Variants in ING5 observed in about 807,000 individuals in gnomAD.
ING5 encodes inhibitor of growth protein 5.
Under a neutral mutation model 37.4 loss-of-function variants are expected in ING5, and 17 were observed. That is an observed-to-expected ratio of 0.45 (90% CI 0.31 to 0.68). ING5 has a LOEUF of 0.68. ING5 is among the 30% of genes least tolerant of loss of function. The pLI, the probability that ING5 is intolerant of heterozygous loss-of-function variation, is 0.05. For missense variants in ING5, 233 were observed against 311.9 expected (o/e 0.75, Z 1.91); for synonymous variants, 123 against 116.6 (o/e 1.06, Z -0.36).
At chr2:241,707,598 C>T (rs1453464285) in intron 2 of ING5, among the ~76,000 whole-genome samples, 1 of 152,136 alleles carries the variant, frequency 6.6e-6, no homozygotes. Context: ...GGCCTGGGCA[C>T]ATGTTTTGCA....
chr2:241,719,593 C>T, intron 5 of ING5: 1 of 1,536,090 alleles, frequency 6.5e-7, no homozygotes, highest in Non-Finnish European at 8.7e-7. Context: ...CTCTTCCTCA[C>T]CCAGTGCTGT....
upstream of ING5, among the ~76,000 whole-genome samples, chr2:241,699,038 T>TGGGGGGGG (rs570586792): frequency 1.7e-4 from 24 of 139,018 alleles, no homozygotes; most frequent in African/African-American, 6.1e-4. Flanking sequence ...AATTTTTTTT[T>TGGGGGGGG]GGGGGGGGAG....
upstream of ING5, among the ~76,000 whole-genome samples, chr2:241,698,438 ATT>A (rs1218536504): frequency 1.3e-5 from 2 of 151,854 alleles, no homozygotes; most frequent in Non-Finnish European, 2.9e-5. Context: ...AAGTATCAAT[ATT>A]GTTTCATCGA....
rs141663716 is a variant in ING5 at position 241,693,414 on chromosome 2, C to G, written c.43+2761C>G. The stretch of plus-strand genomic sequence containing the variant: ...AGTTGTGCTGGTACTCACTGCTCTG[C>G]TAAACTCCCAACCCTCCTTGCAGGT... On this transcript the variant is annotated intron_variant, in intron 2 of 7. Transcript: ENST00000636051. Among the ~76,000 whole-genome samples, 1,140 of 152,150 alleles carry G rather than the reference C, an allele frequency of 7.5e-3. 12 individuals are homozygous for G. The highest frequency in any genetic ancestry group is 0.026 in the African/African-American group (1,095 of 41,496).
chr2:241,725,011 G>C lies in ING5; in HGVS notation c.703G>C (p.Glu235Gln). ...CAGGTTCTGTCCACGGTGTGTCCAGGAAAAGAGGAAGAAGAAGTAGGAGGA... is the reference window on the plus strand; with the variant it reads ...CAGGTTCTGTCCACGGTGTGTCCAGCAAAAGAGGAAGAAGAAGTAGGAGGA... ...GKWFCPRCVQ[E>Q]KRKKK The change falls in exon 8 of 8, where the codon GAA (glutamate) becomes CAA (glutamine). Residue 235 changes from glutamate (E) to glutamine (Q), a missense_variant. Physicochemically the swap from Glu to Gln is conservative, Grantham distance 29 (BLOSUM62 2). Transcript: ENST00000313552. The C allele has an allele frequency of 6.2e-7, 1 of 1,614,132 alleles. No homozygotes were observed. The highest frequency in any genetic ancestry group is 8.5e-7 in the Non-Finnish European group (1 of 1,179,964).
Position 241,711,369 on chromosome 2 carries a change from T to C in ING5, c.277-8T>C. 2.0e-6 allele frequency: 3 copies of C among 1,483,772 alleles called. No homozygotes were observed. The highest frequency in any genetic ancestry group is 2.7e-6 in the Non-Finnish European group (3 of 1,115,290). The allele number at this position is 1,483,772 out of a possible 1,614,324, so 91.9% of individuals were successfully genotyped here. A position where few individuals can be genotyped will look rare whatever the true frequency, so the allele number is the denominator to read the frequency against. On this transcript the variant is annotated splice_polypyrimidine_tract_variant and splice_region_variant and intron_variant, in intron 3 of 7. Coordinates refer to ENST00000313552, the MANE Select transcript of ING5 (RefSeq NM_032329.6). ...CTTTAAAATAAGACTTTGGGTATCCTTTTGTAGGTGGATAAACACATTCGA... is the reference window on the plus strand; with the variant it reads ...CTTTAAAATAAGACTTTGGGTATCCCTTTGTAGGTGGATAAACACATTCGA...
rs1691731568 is a variant in ING5, at chr2:241,729,201, T to C, written c.*4170T>C. 6.5e-6 allele frequency: 1 copy of C among 152,682 alleles called. No homozygotes were observed. Among genetic ancestry groups the C allele is most frequent in the East Asian group, 1.9e-4 (1 of 5,204 alleles). 9.5% of individuals were successfully genotyped at this position (152,682 alleles called of 1,614,324 possible). ...AGCCAGGGGAAGTGTAAGAAAATGTTCCCATTCAGGAGAGATTGTGTTGGA... is the reference window on the plus strand; with the variant it reads ...AGCCAGGGGAAGTGTAAGAAAATGTCCCCATTCAGGAGAGATTGTGTTGGA... On this transcript the variant is annotated 3_prime_UTR_variant, in exon 8 of 8. Coordinates refer to ENST00000313552, the MANE Select transcript of ING5 (RefSeq NM_032329.6).
upstream of ING5, chr2:241,702,032 C>G: frequency 7.4e-7 from 1 of 1,356,860 alleles, no homozygotes; most frequent in Non-Finnish European, 9.5e-7. Flanking sequence ...GCACCGCCCG[C>G]CCGCGCAGAC....
chr2:241,698,336 T>A (rs780339745), upstream of ING5, among the ~76,000 whole-genome samples: 5 of 151,706 alleles, frequency 3.3e-5, no homozygotes, highest in Non-Finnish European at 7.4e-5. Context: ...TTCCAGCTAC[T>A]CAGGAGGCTG....
In ING5 at chr2:241,703,690, C is replaced by T. The variant is rs533122480; in HGVS notation, c.38-963C>T. On this transcript the variant is annotated intron_variant, in intron 1 of 7. Transcript: ENST00000313552. ...GTATGATCTCAGCACACTGCAACCTCCACCTCCCAGGTTCAAGCAATTCTC... is the reference window on the plus strand; with the variant it reads ...GTATGATCTCAGCACACTGCAACCTTCACCTCCCAGGTTCAAGCAATTCTC... Among the ~76,000 whole-genome samples the T allele has an allele frequency of 3.9e-5, 6 of 152,116 alleles. No homozygotes were observed. In the South Asian group the frequency reaches 1.2e-3, roughly 32 times the overall value.
At chr2:241,715,191 T>C (rs540049411) in intron 5 of ING5, among the ~76,000 whole-genome samples, 1 of 152,266 alleles carries the variant, frequency 6.6e-6, no homozygotes, top group Admixed American at 6.5e-5. Context: ...TAAAATATTT[T>C]AGAATGTTTT....
chr2:241,693,720 C>A (rs1036804889), intron 2 of ING5, among the ~76,000 whole-genome samples: 12 of 132,024 alleles, frequency 9.1e-5, no homozygotes, highest in African/African-American at 3.3e-4. Flanking sequence ...TGCAATGGCG[C>A]AGTCTCGGCT....
upstream of ING5, among the ~76,000 whole-genome samples, chr2:241,698,416 CAAAA>C (rs544307159): frequency 8.0e-6 from 1 of 125,764 alleles, no homozygotes; most frequent in African/African-American, 3.0e-5. Flanking sequence ...TTTGAGGTCT[CAAAA>C]AAAAAAAAAG....
At chr2:241,694,167 GGC>G (rs1171853840) in intron 2 of ING5, 1 of 151,756 alleles carries the variant, frequency 6.6e-6, no homozygotes, top group Non-Finnish European at 1.5e-5. Context: ...AAGATGGCCA[GGC>G]GCGGTGGCTC....
intron 7 of ING5, chr2:241,723,696 G>A: frequency 4.0e-6 from 6 of 1,489,532 alleles, no homozygotes; most frequent in African/African-American, 2.8e-5. Context: ...CTGGGGCTCT[G>A]CCCCTGGCTC....
intron 2 of ING5, among the ~76,000 whole-genome samples, chr2:241,693,961 C>T (rs1277171502): frequency 1.1e-4 from 17 of 151,560 alleles, no homozygotes; most frequent in African/African-American, 4.1e-4. Flanking sequence ...GCCTGGCCCT[C>T]TCTGGCAGTT....
At chr2:241,695,221 G>A (rs2069614712) in intron 2 of ING5, among the ~76,000 whole-genome samples, 1 of 151,812 alleles carries the variant, frequency 6.6e-6, no homozygotes, top group Non-Finnish European at 1.5e-5. Flanking sequence ...GGGACTCTGT[G>A]AGACCCGCTG....
At chr2:241,706,625 C>CAAAAAAAAAAAAAA (rs770869002) in intron 2 of ING5, among the ~76,000 whole-genome samples, 1 of 109,330 alleles carries the variant, frequency 9.1e-6, no homozygotes. Flanking sequence ...AACTCCATCT[C>CAAAAAAAAAAAAAA]AAAAAAAAAA....
intron 5 of ING5, chr2:241,719,938 G>C: frequency 7.7e-7 from 1 of 1,291,076 alleles, no homozygotes; most frequent in Non-Finnish European, 9.8e-7. Context: ...TCTGGATCTA[G>C]CTTGTGTGTG....
Sources: gnomAD v4.1 joint callset for allele counts (sites outside exome capture counted in the v4.1 genomes callset) on GRCh38, gnomAD v4.1.1 for gene constraint, MANE v1.5 for transcripts, NCBI Gene and HGNC (gene_info 2026-07-23, HGNC 2026-07-21) for gene names.